Variants in LINGO2 observed in about 807,000 individuals in gnomAD.
LINGO2 encodes the protein leucine rich repeat and Ig domain containing 2.
Under a neutral mutation model 30.6 loss-of-function variants are expected in LINGO2, and 14 were observed. That is an observed-to-expected ratio of 0.46 (90% confidence interval 0.30 to 0.72). The LOEUF is 0.72. LINGO2 is among the 30% of genes least tolerant of loss of function. LINGO2 has a pLI of 0.07. For synonymous variants in LINGO2, 317 were observed against 288.5 expected (o/e 1.10, Z -1.00); for missense variants, 729 against 751.7 (o/e 0.97, Z 0.35).
chr9:28,594,997 G>A (rs1256207530), intron 1 of LINGO2, among the ~76,000 whole-genome samples: 1 of 152,056 alleles, frequency 6.6e-6, no homozygotes, highest in African/African-American at 2.4e-5. Context: ...GTAATTCTAT[G>A]AGTAAATTCA....
At chr9:28,777,748 G>T in the LINGO2 span, among the ~76,000 whole-genome samples, 1 of 152,188 alleles carries the variant, frequency 6.6e-6, no homozygotes, top group Non-Finnish European at 1.5e-5. Context: ...TTATAAATTT[G>T]TGACCCATCA....
At chr9:28,713,138 A>G in the LINGO2 span, among the ~76,000 whole-genome samples, 86 of 152,256 alleles carry the variant, frequency 5.6e-4, no homozygotes, top group African/African-American at 2.0e-3. Flanking sequence ...TGCTGCGATT[A>G]CAGGTGTAAG....
At chr9:28,539,585 C>A (rs377739701) in intron 1 of LINGO2, among the ~76,000 whole-genome samples, 2 of 152,052 alleles carry the variant, frequency 1.3e-5, no homozygotes, top group Non-Finnish European at 2.9e-5. Flanking sequence ...GACTGTGTTA[C>A]CTGTTTGAGC....
intron 4 of LINGO2, among the ~76,000 whole-genome samples, chr9:28,058,064 TTTAG>T (rs1387355315): frequency 2.6e-5 from 4 of 152,122 alleles, no homozygotes; most frequent in Non-Finnish European, 5.9e-5. Flanking sequence ...TTGCCTGACA[TTTAG>T]TAAGTGCCCA....
At chr9:28,909,547 C>T in the LINGO2 span, among the ~76,000 whole-genome samples, 1 of 151,942 alleles carries the variant, frequency 6.6e-6, no homozygotes, top group Non-Finnish European at 1.5e-5. Context: ...CTTTCATGTT[C>T]CACTGACTCT....
chr9:28,790,670 A>T, the LINGO2 span, among the ~76,000 whole-genome samples: 1 of 152,006 alleles, frequency 6.6e-6, no homozygotes, highest in Non-Finnish European at 1.5e-5. Flanking sequence ...ATCGTCTCTC[A>T]TCATCACAAG....
intron 1 of LINGO2, among the ~76,000 whole-genome samples, chr9:28,509,173 A>G (rs558825529): frequency 2.6e-5 from 4 of 152,254 alleles, no homozygotes; most frequent in African/African-American, 7.2e-5. Flanking sequence ...AAATTCCTCT[A>G]TGAGTGAGAC....
At chr9:29,158,723 C>T in the LINGO2 span, among the ~76,000 whole-genome samples, 1 of 151,854 alleles carries the variant, frequency 6.6e-6, no homozygotes, top group Non-Finnish European at 1.5e-5. Flanking sequence ...CAAGGAGATA[C>T]GTCTGTGTGT....
chr9:29,054,443 T>G, the LINGO2 span, among the ~76,000 whole-genome samples: 1 of 152,226 alleles, frequency 6.6e-6, no homozygotes, highest in Non-Finnish European at 1.5e-5. Context: ...GGAGAGCTTT[T>G]GATCTTTTAT....
chr9:28,846,041 C>A, the LINGO2 span, among the ~76,000 whole-genome samples: 1 of 151,504 alleles, frequency 6.6e-6, no homozygotes, highest in East Asian at 1.9e-4. Context: ...CACACACCAA[C>A]CATCAGAAAT....
At chr9:28,752,572 G>C in the LINGO2 span, among the ~76,000 whole-genome samples, 1 of 151,994 alleles carries the variant, frequency 6.6e-6, no homozygotes, top group Non-Finnish European at 1.5e-5. Flanking sequence ...GAAATACTCT[G>C]TGTGAAATAT....
intron 3 of LINGO2, among the ~76,000 whole-genome samples, chr9:28,352,642 A>G (rs1249887894): frequency 1.5e-5 from 2 of 131,400 alleles, no homozygotes; most frequent in Admixed American, 1.6e-4. Context: ...ACAGAATTGG[A>G]AAAAACTACT....
chr9:28,575,230 C>T (rs1053851967), intron 1 of LINGO2, among the ~76,000 whole-genome samples: 4 of 151,896 alleles, frequency 2.6e-5, no homozygotes, highest in Admixed American at 2.6e-4. Flanking sequence ...GGTGAAACCC[C>T]ATCTCTAAGA....
At chr9:28,470,075 A>T (rs1825462393) in intron 2 of LINGO2, among the ~76,000 whole-genome samples, 1 of 152,182 alleles carries the variant, frequency 6.6e-6, no homozygotes, top group Admixed American at 6.5e-5. Flanking sequence ...AATCAATAAC[A>T]TAAAGATGAA....
the LINGO2 span, among the ~76,000 whole-genome samples, chr9:28,711,761 T>A: frequency 6.6e-6 from 1 of 152,110 alleles, no homozygotes; most frequent in Non-Finnish European, 1.5e-5. Flanking sequence ...ACAGCCCCAA[T>A]ATATACAGCT....
At chr9:28,074,538 A>T (rs1488223579) in intron 4 of LINGO2, among the ~76,000 whole-genome samples, 1 of 152,130 alleles carries the variant, frequency 6.6e-6, no homozygotes, top group African/African-American at 2.4e-5. Flanking sequence ...TATGTTCCTC[A>T]TTAGTGGAGA....
intron 1 of LINGO2, among the ~76,000 whole-genome samples, chr9:28,560,091 A>G (rs944958795): frequency 6.6e-6 from 1 of 151,790 alleles, no homozygotes; most frequent in Non-Finnish European, 1.5e-5. Context: ...GAAAAAAAAA[A>G]AAAAAAGAAA....
the LINGO2 span, among the ~76,000 whole-genome samples, chr9:29,028,431 A>T: frequency 2.0e-3 from 140 of 70,588 alleles, no homozygotes; most frequent in Non-Finnish European, 2.3e-3. Context: ...GGGGGGGGTG[A>T]GAGAGAGAGA....
the LINGO2 span, among the ~76,000 whole-genome samples, chr9:28,957,109 C>T: frequency 6.6e-6 from 1 of 152,026 alleles, no homozygotes; most frequent in Admixed American, 6.6e-5. Flanking sequence ...TATTCAGAAG[C>T]CTGGCAGTTG....
Sources: allele counts gnomAD v4.1 joint callset (sites outside exome capture counted in the v4.1 genomes callset), GRCh38; gene constraint gnomAD v4.1.1; transcripts MANE v1.5; gene names NCBI Gene and HGNC (gene_info 2026-07-23, HGNC 2026-07-21).